CLIP2: variants seen among roughly 807,000 people sequenced by gnomAD.
The protein encoded by CLIP2 is CAP-Gly domain-containing linker protein 2.
CLIP2 carries 41 observed loss-of-function variants against 111.7 expected under a neutral mutation model. That is an observed-to-expected ratio of 0.37 (90% CI 0.29 to 0.48). The LOEUF is 0.48. CLIP2 is among the 20% of genes least tolerant of loss of function. The pLI is 0.99. For synonymous variants in CLIP2, 660 were observed against 644.2 expected, an observed-to-expected ratio of 1.02 and a Z score of -0.37; for missense variants, 1,160 against 1,422.1, an observed-to-expected ratio of 0.82 and a Z score of 2.96.
chr7:74,304,204 C>T (rs1189036320), intron 1 of CLIP2, among the ~76,000 whole-genome samples: 1 of 152,026 alleles, frequency 6.6e-6, no homozygotes, highest in Non-Finnish European at 1.5e-5. Context: ...AGCCACCGTA[C>T]CTAGCCTATC....
intron 3 of CLIP2, among the ~76,000 whole-genome samples, chr7:74,347,181 A>G (rs1789819316): frequency 6.6e-6 from 1 of 152,202 alleles, no homozygotes; most frequent in East Asian, 1.9e-4. Context: ...TGGTATGGAC[A>G]CTTGGTCTCC....
At chr7:74,370,470 A>AT (rs1467266994) in intron 8 of CLIP2, among the ~76,000 whole-genome samples, 1 of 151,898 alleles carries the variant, frequency 6.6e-6, no homozygotes, top group East Asian at 1.9e-4. Context: ...AAAAAAAAAA[A>AT]ACTAATTTAA....
At chr7:74,394,038 G>T (rs917442562) in intron 13 of CLIP2, among the ~76,000 whole-genome samples, 19 of 152,024 alleles carry the variant, frequency 1.2e-4, no homozygotes, top group Non-Finnish European at 2.1e-4. Flanking sequence ...ATGCCCCTCC[G>T]CTGAGTCTCG....
At chr7:74,399,416 C>T (rs112835567) in intron 14 of CLIP2, among the ~76,000 whole-genome samples, 4,626 of 152,106 alleles carry the variant, frequency 0.03, 227 homozygotes, top group African/African-American at 0.1. Flanking sequence ...GCATGCCCTG[C>T]AGTATCAGCT....
intron 12 of CLIP2, 109 bp from the exon 13 acceptor site, chr7:74,388,994 C>T: frequency 1.5e-6 from 2 of 1,351,854 alleles, no homozygotes; most frequent in Non-Finnish European, 2.0e-6. Flanking sequence ...GGTATGTCAC[C>T]TTCATCCCCT....
intron 2 of CLIP2, among the ~76,000 whole-genome samples, chr7:74,336,922 G>C (rs1789489918): frequency 7.5e-6 from 1 of 133,112 alleles, no homozygotes; most frequent in African/African-American, 3.1e-5. Context: ...GTCTCACTCT[G>C]TCACCCAGGC....
rs1791728430 is a variant in CLIP2 at position 74,404,886 on chromosome 7, C to T, written c.*1038C>T. ...CGCTCAGGCCACACAGAGACACATA[C>T]TTGGTTTCTGGGACTGAGACCCAGG... On this transcript the variant is annotated 3_prime_UTR_variant, in exon 17 of 17. Transcript: ENST00000223398. The T allele has an allele frequency of 6.6e-6, 1 of 152,230 alleles. No homozygotes were observed. Among genetic ancestry groups the T allele is most frequent in the South Asian group, 2.1e-4 (1 of 4,832 alleles). 9.4% of individuals were successfully genotyped at this position (152,230 alleles called of 1,614,324 possible).
chr7:74,401,471 G>A, intron 15 of CLIP2, 34 bp from the exon 16 acceptor site: 1 of 1,609,302 alleles, frequency 6.2e-7, no homozygotes, highest in African/African-American at 1.3e-5. Context: ...GCTGCCTGGT[G>A]CACCTGGCTC....
At chr7:74,379,492 G>T in intron 10 of CLIP2, among the ~76,000 whole-genome samples, 1 of 152,186 alleles carries the variant, frequency 6.6e-6, no homozygotes, top group East Asian at 1.9e-4. Flanking sequence ...GCCAGGTGCT[G>T]TGGCTCACAC....
chr7:74,292,477 C>T (rs1256626450), intron 1 of CLIP2, among the ~76,000 whole-genome samples: 1 of 152,196 alleles, frequency 6.6e-6, no homozygotes, highest in Non-Finnish European at 1.5e-5. Context: ...ACCTCCACCT[C>T]CCAGATTCAA....
At chr7:74,316,108 G>A (rs930976031) in intron 1 of CLIP2, among the ~76,000 whole-genome samples, 1 of 142,308 alleles carries the variant, frequency 7.0e-6, no homozygotes, top group Non-Finnish European at 1.5e-5. Flanking sequence ...GTCCAGCTCC[G>A]ACTTACAAGT....
At chr7:74,388,205 A>G (rs984424105) in intron 12 of CLIP2, among the ~76,000 whole-genome samples, 1 of 152,024 alleles carries the variant, frequency 6.6e-6, no homozygotes, top group Admixed American at 6.6e-5. Context: ...GGTAGCGTGC[A>G]CCTGTAGTCC....
chr7:74,386,788 C>G lies in CLIP2; in HGVS notation c.2563+184C>G, dbSNP rs545025387. Reference sequence around the variant, plus strand: ...CTGTAATCCCAGCACTTTGGGAGTCCGAGGCAGGCGGATCACCTGAGGTCA... The same window carrying G: ...CTGTAATCCCAGCACTTTGGGAGTCGGAGGCAGGCGGATCACCTGAGGTCA... On this transcript the variant is annotated intron_variant, in intron 12 of 16. Coordinates refer to ENST00000223398, the MANE Select transcript of CLIP2 (RefSeq NM_003388.5). 6.4e-4 allele frequency among the ~76,000 whole-genome samples: 97 copies of G among 152,088 alleles called. No homozygotes were observed. The East Asian group carries it at 0.015, about 23-fold the overall frequency.
chr7:74,311,104 C>T lies in CLIP2; in HGVS notation c.-67-6376C>T, dbSNP rs141661920. 2.0e-3 allele frequency among the ~76,000 whole-genome samples: 302 copies of T among 152,022 alleles called. 1 individual carries two copies. The highest frequency in any genetic ancestry group is 4.0e-3 in the African/African-American group (167 of 41,512). On this transcript the variant is annotated intron_variant, in intron 1 of 16. Transcript: ENST00000223398. Reference sequence around the variant, plus strand: ...ACGCCATTCTCCTGCCTCAGCCTCCCGAGTAGCTGGGACTACAGGTGTCTG... The same window carrying T: ...ACGCCATTCTCCTGCCTCAGCCTCCTGAGTAGCTGGGACTACAGGTGTCTG...
At chr7:74,344,321 A>G (rs188578639) in intron 3 of CLIP2, among the ~76,000 whole-genome samples, 3 of 152,174 alleles carry the variant, frequency 2.0e-5, no homozygotes, top group East Asian at 1.9e-4. Flanking sequence ...CTTTAAGTAG[A>G]TTGCATCCTA....
At chr7:74,350,874 AAGAG>A (rs1318693177) in intron 3 of CLIP2, among the ~76,000 whole-genome samples, 4 of 148,256 alleles carry the variant, frequency 2.7e-5, no homozygotes, top group South Asian at 2.2e-4. Context: ...GAAAGAAAGA[AAGAG>A]AGAGAGAGAA....
chr7:74,351,646 G>T (rs1236340251), intron 3 of CLIP2, among the ~76,000 whole-genome samples: 3 of 151,930 alleles, frequency 2.0e-5, no homozygotes, highest in Admixed American at 2.0e-4. Flanking sequence ...GACCAGCCTG[G>T]CCAACATGGC....
chr7:74,382,563 T>G (rs1790977186), intron 11 of CLIP2, among the ~76,000 whole-genome samples: 1 of 150,408 alleles, frequency 6.6e-6, no homozygotes, highest in African/African-American at 2.4e-5. Context: ...CCTCCCGCCT[T>G]GGTCTCCCAA....
At chr7:74,390,213 GAAAGAAAGAAAGGATT>G (rs1562726960) in intron 13 of CLIP2, among the ~76,000 whole-genome samples, 1,175 of 96,072 alleles carry the variant, frequency 0.012, 29 homozygotes, top group Middle Eastern at 0.032. Flanking sequence ...AAGAAAGAAA[GAAAGAAAGAAAGGATT>G]AATGCCTCCC....
Sources: gnomAD v4.1 joint callset for allele counts (sites outside exome capture counted in the v4.1 genomes callset) on GRCh38, gnomAD v4.1.1 for gene constraint, MANE v1.5 for transcripts, NCBI Gene and HGNC (gene_info 2026-07-23, HGNC 2026-07-21) for gene names.